Variants in XIRP2 observed in about 807,000 individuals in gnomAD.
XIRP2 encodes xin actin binding repeat containing 2.
XIRP2 carries 236 observed loss-of-function variants against 277.0 expected under a neutral mutation model. The observed-to-expected ratio is 0.85, with a 90% confidence interval of 0.77 to 0.95. The LOEUF (loss-of-function observed/expected upper bound fraction) is 0.95. XIRP2 is among the 40% of genes least tolerant of loss of function. The pLI, the probability that XIRP2 is intolerant of heterozygous loss-of-function variation, is 0.00. For missense variants in XIRP2, 4,640 were observed against 4,157.5 expected, an observed-to-expected ratio of 1.12 and a Z score of -3.19; for synonymous variants, 1,490 against 1,416.5, an observed-to-expected ratio of 1.05 and a Z score of -1.17.
intron 2 of XIRP2, among the ~76,000 whole-genome samples, chr2:167,090,904 C>G (rs571032791): frequency 1.3e-5 from 2 of 152,184 alleles, no homozygotes; most frequent in East Asian, 1.9e-4. Flanking sequence ...GACAACACCA[C>G]CCTACTGGGG....
chr2:166,928,445 T>C (rs1282562673), intron 2 of XIRP2, among the ~76,000 whole-genome samples: 1 of 152,134 alleles, frequency 6.6e-6, no homozygotes, highest in Admixed American at 6.6e-5. Context: ...ATTGAACCAT[T>C]TAATTCAGCT....
rs201385307 is a variant in XIRP2, at chr2:167,244,043, T to C, written c.2651T>C (p.Ile884Thr). Residue 884 changes from isoleucine (I) to threonine (T), a missense_variant, in exon 9 of 11, where the codon ATT (isoleucine) becomes ACT (threonine). By Grantham distance (89) the Ile-to-Thr change is moderately conservative. Transcript: ENST00000409195. ...AAGCATCTATTTGAAACACTTCCAA[T>C]TGAAGCATTAAAAGACAGTCCTGAT... ...TTKHLFETLP[I>T]EALKDSPDIG... is the part of the protein sequence containing the mutation. The C allele has an allele frequency of 8.6e-5, 138 of 1,613,850 alleles. No homozygotes were observed. Among genetic ancestry groups the C allele is most frequent in the Middle Eastern group, 1.6e-4 (1 of 6,062 alleles).
intron 2 of XIRP2, among the ~76,000 whole-genome samples, chr2:167,024,453 C>A (rs993575264): frequency 7.9e-5 from 12 of 152,214 alleles, no homozygotes; most frequent in Non-Finnish European, 1.5e-4. Flanking sequence ...ATTTCCTTCT[C>A]CTGCCTAACT....
At chr2:166,944,267 C>A (rs1685795544) in intron 2 of XIRP2, among the ~76,000 whole-genome samples, 2 of 152,092 alleles carry the variant, frequency 1.3e-5, no homozygotes, top group South Asian at 4.1e-4. Flanking sequence ...ATTCATTTTT[C>A]CTAAGAGAAA....
intron 2 of XIRP2, chr2:167,124,254 G>T (rs1029742704): frequency 6.6e-6 from 1 of 152,078 alleles, no homozygotes; most frequent in Non-Finnish European, 1.5e-5. Flanking sequence ...CGTATCATGG[G>T]TTTTTAGAAA....
At chr2:167,017,811 A>T (rs1038651907) in intron 2 of XIRP2, among the ~76,000 whole-genome samples, 11 of 152,008 alleles carry the variant, frequency 7.2e-5, no homozygotes. Flanking sequence ...CAGTTAAAGA[A>T]GTTCTCCAGT....
rs143647480 is a variant in XIRP2, at chr2:166,935,145, G to A, written c.408+31255G>A. ...CATTGATGATCCTGAAGCTGTGATTGTGCTAATGAAGTTTTTGAAATTTAT... is the reference window on the plus strand; with the variant it reads ...CATTGATGATCCTGAAGCTGTGATTATGCTAATGAAGTTTTTGAAATTTAT... On this transcript the variant is annotated intron_variant, in intron 2 of 10. Transcript: ENST00000409195. Among the ~76,000 whole-genome samples the A allele has an allele frequency of 1.6e-4, 24 of 152,250 alleles. No individual in the cohort carries two copies. In the East Asian group the frequency reaches 2.9e-3, roughly 18 times the overall value.
intron 2 of XIRP2, among the ~76,000 whole-genome samples, chr2:167,086,181 T>C (rs1388699998): frequency 6.6e-6 from 1 of 152,174 alleles, no homozygotes; most frequent in Non-Finnish European, 1.5e-5. Flanking sequence ...GTAAAGTATT[T>C]TATTTCTCCT....
chr2:167,172,035 CA>C (rs1692708195), intron 3 of XIRP2, among the ~76,000 whole-genome samples: 1 of 152,110 alleles, frequency 6.6e-6, no homozygotes, highest in Admixed American at 6.6e-5. Context: ...TATGTATGAT[CA>C]GGGGAACCCG....
intron 2 of XIRP2, among the ~76,000 whole-genome samples, chr2:167,055,998 T>C (rs980372569): frequency 1.3e-5 from 2 of 152,150 alleles, no homozygotes; most frequent in Non-Finnish European, 2.9e-5. Context: ...ATACATCGGG[T>C]TCAGTAAATA....
At chr2:166,945,623 T>A (rs1685838977) in intron 2 of XIRP2, among the ~76,000 whole-genome samples, 1 of 151,132 alleles carries the variant, frequency 6.6e-6, no homozygotes, top group Non-Finnish European at 1.5e-5. Context: ...CTCTAGAGCC[T>A]GTGGAAAACC....
rs1172762099 is a variant in XIRP2 at position 167,249,857 on chromosome 2, A to G, written c.8465A>G (p.Asn2822Ser). 6.2e-7 allele frequency: 1 copy of G among 1,613,642 alleles called. No homozygotes were observed. ...RGKLPGSEEK[N>S]QGPSMIGRKE... is the part of the protein sequence containing the mutation. ...AAACTTCCAGGAAGTGAAGAAAAAAATCAGGGACCATCAATGATTGGTCGA... is the reference window on the plus strand; with the variant it reads ...AAACTTCCAGGAAGTGAAGAAAAAAGTCAGGGACCATCAATGATTGGTCGA... The change falls in exon 9 of 11, where the codon AAT becomes AGT. Residue 2822 changes from asparagine (N) to serine (S), a missense_variant. Coordinates refer to ENST00000409195, the MANE Select transcript of XIRP2 (RefSeq NM_152381.6).
intron 3 of XIRP2, among the ~76,000 whole-genome samples, chr2:167,171,897 T>C (rs1394219920): frequency 6.6e-6 from 1 of 152,238 alleles, no homozygotes; most frequent in Non-Finnish European, 1.5e-5. Flanking sequence ...AGTGTCTTCA[T>C]GACACATGTT....
chr2:167,028,574 T>C (rs1374699395), intron 2 of XIRP2, among the ~76,000 whole-genome samples: 1 of 151,954 alleles, frequency 6.6e-6, no homozygotes, highest in Admixed American at 6.6e-5. Context: ...ATTTAAATAT[T>C]TGGGAAGCCT....
At chr2:166,931,872 A>G (rs1404426887) in intron 2 of XIRP2, among the ~76,000 whole-genome samples, 1 of 152,142 alleles carries the variant, frequency 6.6e-6, no homozygotes, top group African/African-American at 2.4e-5. Context: ...GATTGAACTA[A>G]TTTACATTTC....
At chr2:166,968,949 A>T (rs1214838994) in intron 2 of XIRP2, among the ~76,000 whole-genome samples, 1 of 151,940 alleles carries the variant, frequency 6.6e-6, no homozygotes, top group East Asian at 1.9e-4. Context: ...GAGCTTAAAT[A>T]ATAAATAAGT....
chr2:167,224,315 C>T (rs918240653), intron 5 of XIRP2, among the ~76,000 whole-genome samples: 1 of 152,166 alleles, frequency 6.6e-6, no homozygotes, highest in African/African-American at 2.4e-5. Context: ...CTCACTGTAA[C>T]CCCTACCTCC....
intron 3 of XIRP2, among the ~76,000 whole-genome samples, chr2:167,160,290 G>T (rs566814725): frequency 1.3e-5 from 2 of 152,268 alleles, no homozygotes; most frequent in Non-Finnish European, 2.9e-5. Context: ...TACCCAGAGA[G>T]AAACATGGGT....
chr2:167,055,195 C>T (rs1558963400), intron 2 of XIRP2, among the ~76,000 whole-genome samples: 1 of 152,130 alleles, frequency 6.6e-6, no homozygotes, highest in Admixed American at 6.6e-5. Flanking sequence ...CCTTTCTCTT[C>T]ACCGTGCTAA....
Sources: gnomAD v4.1 joint callset for allele counts (sites outside exome capture counted in the v4.1 genomes callset) on GRCh38, gnomAD v4.1.1 for gene constraint, MANE v1.5 for transcripts, NCBI Gene and HGNC (gene_info 2026-07-23, HGNC 2026-07-21) for gene names.